Variants in COL19A1 observed in about 807,000 individuals in gnomAD.
COL19A1 encodes the protein collagen type XIX alpha 1 chain, also known as collagen alpha-1(XIX) chain.
COL19A1 carries 159 observed loss-of-function variants against 190.2 expected under a neutral mutation model. The observed-to-expected ratio is 0.84, with a 90% confidence interval of 0.73 to 0.95. COL19A1 has a LOEUF of 0.95. Among genes scored for constraint, COL19A1 ranks in the 40% least tolerant of loss-of-function variants. COL19A1 has a pLI of 0.00. For missense variants in COL19A1, 1,418 were observed against 1,431.9 expected, an observed-to-expected ratio of 0.99 and a Z score of 0.16; for synonymous variants, 509 against 458.9, an observed-to-expected ratio of 1.11 and a Z score of -1.39.
intron 11 of COL19A1, among the ~76,000 whole-genome samples, chr6:70,009,476 T>A (rs9354904): frequency 0.11 from 16,016 of 151,838 alleles, 993 homozygotes; most frequent in East Asian, 0.29. Flanking sequence ...AAATGTAGAG[T>A]TGATTTGTGG....
intron 2 of COL19A1, chr6:69,890,617 A>T (rs926404085): frequency 6.6e-6 from 1 of 152,226 alleles, no homozygotes; most frequent in Non-Finnish European, 1.5e-5. Context: ...ACAATAAATA[A>T]TTTTTTAGTA....
intron 49 of COL19A1, among the ~76,000 whole-genome samples, chr6:70,203,274 GA>G (rs1348483324): frequency 6.6e-6 from 1 of 152,106 alleles, no homozygotes; most frequent in Non-Finnish European, 1.5e-5. Context: ...GGGTCAGTAG[GA>G]AAAAACAGCT....
chr6:70,112,785 G>A (rs529130608), intron 16 of COL19A1, among the ~76,000 whole-genome samples: 1 of 152,140 alleles, frequency 6.6e-6, no homozygotes, highest in African/African-American at 2.4e-5. Flanking sequence ...CAGGGACTGT[G>A]CAATTTTGGA....
chr6:70,004,268 T>G (rs1423157461), intron 11 of COL19A1, among the ~76,000 whole-genome samples: 1 of 141,618 alleles, frequency 7.1e-6, no homozygotes, highest in Admixed American at 6.8e-5. Context: ...CTTCCCTGCA[T>G]AGGTGACCTG....
chr6:70,051,517 G>A (rs1258718186), intron 14 of COL19A1, among the ~76,000 whole-genome samples: 1 of 152,118 alleles, frequency 6.6e-6, no homozygotes, highest in Non-Finnish European at 1.5e-5. Flanking sequence ...CAGCAAAGTA[G>A]GGAAGGCAAA....
intron 42 of COL19A1, among the ~76,000 whole-genome samples, 197 bp from the exon 43 acceptor site, chr6:70,180,115 A>G (rs1343832062): frequency 6.6e-6 from 1 of 152,106 alleles, no homozygotes; most frequent in African/African-American, 2.4e-5. Flanking sequence ...TGAACTCCTG[A>G]CCTCAAGTGA....
chr6:69,925,549 G>A (rs1160373317), intron 4 of COL19A1, among the ~76,000 whole-genome samples: 2 of 152,128 alleles, frequency 1.3e-5, no homozygotes, highest in Non-Finnish European at 2.9e-5. Flanking sequence ...TTTTGGCTTA[G>A]GATTGACTTG....
chr6:70,168,676 C>A lies in COL19A1; in HGVS notation c.2563C>A (p.Pro855Thr). The A allele has an allele frequency of 1.2e-6, 2 of 1,612,570 alleles. No individual in the cohort carries two copies. Among genetic ancestry groups the A allele is most frequent in the Non-Finnish European group, 1.7e-6 (2 of 1,179,308 alleles). Reference sequence around the variant, plus strand: ...ACAGGGCCCAAAAGGCGATCCTGGCCCAGTGGTATGAATGTTCCCATGTTT... The same window carrying A: ...ACAGGGCCCAAAAGGCGATCCTGGCACAGTGGTATGAATGTTCCCATGTTT... ...GPPGPKGDPG[P>T]VGEPGAMGLP... Residue 855 changes from proline (P) to threonine (T), a missense_variant, in exon 40 of 51, where the codon CCA becomes ACA. Transcript: ENST00000620364.
intron 48 of COL19A1, among the ~76,000 whole-genome samples, chr6:70,195,851 G>A (rs569861901): frequency 3.9e-5 from 6 of 152,226 alleles, no homozygotes; most frequent in Middle Eastern, 3.4e-3. Flanking sequence ...TCACTCAACC[G>A]TCTGGTTCTT....
chr6:70,150,024 G>T lies in COL19A1; in HGVS notation c.2016G>T (p.Leu672=). The change falls in exon 30 of 51, where the codon CTG becomes CTT. Residue 672 remains leucine (L), a synonymous_variant. Transcript: ENST00000620364. ...GVPGRDGKPG[L]PGPPGDPIAL... ...CAGGGAGAGATGGAAAGCCAGGCCTGCCAGGCCCCCCAGGTGACCCGGTAT... is the reference window on the plus strand; with the variant it reads ...CAGGGAGAGATGGAAAGCCAGGCCTTCCAGGCCCCCCAGGTGACCCGGTAT... 6.2e-7 allele frequency: 1 copy of T among 1,613,758 alleles called. No homozygotes were observed. The highest frequency in any genetic ancestry group is 8.5e-7 in the Non-Finnish European group (1 of 1,179,802).
intron 17 of COL19A1, among the ~76,000 whole-genome samples, 182 bp downstream of exon 17, chr6:70,122,124 G>A (rs972375211): frequency 2.0e-5 from 3 of 152,150 alleles, no homozygotes; most frequent in Admixed American, 6.5e-5. Flanking sequence ...ATTCTGTTCA[G>A]TATCTTACAA....
chr6:70,032,603 A>G (rs987065909), intron 12 of COL19A1, among the ~76,000 whole-genome samples: 11 of 152,210 alleles, frequency 7.2e-5, no homozygotes, highest in African/African-American at 2.7e-4. Context: ...TTAAGCATAT[A>G]ATAATTTAAA....
At chr6:70,180,561 G>T in intron 44 of COL19A1, 38 bp downstream of exon 44, 1 of 1,596,724 alleles carries the variant, frequency 6.3e-7, no homozygotes. Flanking sequence ...GCCACCTAGA[G>T]AAATGCTCTA....
chr6:70,154,762 C>A (rs1263838910), intron 31 of COL19A1, among the ~76,000 whole-genome samples: 1 of 152,160 alleles, frequency 6.6e-6, no homozygotes, highest in Non-Finnish European at 1.5e-5. Context: ...CCTGGCAAAC[C>A]ACTAGTGTAA....
chr6:70,059,547 A>G (rs1450245204), intron 14 of COL19A1, among the ~76,000 whole-genome samples: 2 of 152,212 alleles, frequency 1.3e-5, no homozygotes, highest in Admixed American at 1.3e-4. Flanking sequence ...GATTGTCCAG[A>G]GAGAGCTGTG....
intron 15 of COL19A1, among the ~76,000 whole-genome samples, chr6:70,095,544 A>G (rs1192839334): frequency 1.3e-5 from 2 of 152,244 alleles, no homozygotes; most frequent in African/African-American, 4.8e-5. Flanking sequence ...TAAAAAATAT[A>G]TAACATAAAA....
In COL19A1 at chr6:70,146,677, G is replaced by A; in HGVS notation, c.1789G>A (p.Gly597Arg). The stretch of plus-strand genomic sequence containing the variant: ...CTTTTAGGGATTAGATGGAAATCCT[G>A]GAGCACCTGGTCCACGTGGGCCAAA... ...PGEPGLDGNP[G>R]APGPRGPKGE... is the part of the protein sequence containing the mutation. The change falls in exon 26 of 51, where the codon GGA (glycine) becomes AGA (arginine). Residue 597 changes from glycine to arginine, a missense_variant. Gly to Arg is a moderately radical substitution (Grantham distance 125). Coordinates refer to ENST00000620364, the MANE Select transcript of COL19A1 (RefSeq NM_001858.6). 6.2e-7 allele frequency: 1 copy of A among 1,606,332 alleles called. No homozygotes were observed. Among genetic ancestry groups the A allele is most frequent in the Non-Finnish European group, 8.5e-7 (1 of 1,176,542 alleles).
intron 11 of COL19A1, among the ~76,000 whole-genome samples, chr6:69,998,643 T>TAAA (rs1777067649): frequency 1.2e-5 from 1 of 84,040 alleles, no homozygotes; most frequent in African/African-American, 6.0e-5. Context: ...AGACTCCCTC[T>TAAA]CAAAAAAAAA....
intron 16 of COL19A1, among the ~76,000 whole-genome samples, chr6:70,118,070 G>A (rs895433299): frequency 6.6e-6 from 1 of 152,180 alleles, no homozygotes; most frequent in African/African-American, 2.4e-5. Context: ...ACCACCATGT[G>A]ATGCCGAGAG....
Sources: allele counts gnomAD v4.1 joint callset (sites outside exome capture counted in the v4.1 genomes callset), GRCh38; gene constraint gnomAD v4.1.1; transcripts MANE v1.5; gene names NCBI Gene and HGNC (gene_info 2026-07-23, HGNC 2026-07-21).